CTNNA2: variants seen among roughly 807,000 people sequenced by gnomAD.
CTNNA2 encodes catenin alpha-2.
CTNNA2 carries 42 observed loss-of-function variants against 101.0 expected under a neutral mutation model. That is an observed-to-expected ratio of 0.42 (90% CI 0.32 to 0.54). CTNNA2 has a LOEUF of 0.54. CTNNA2 is among the 20% of genes least tolerant of loss of function. CTNNA2 has a pLI of 0.14. For missense variants in CTNNA2, 871 were observed against 1,223.1 expected (o/e 0.71, Z 4.29); for synonymous variants, 450 against 456.4 (o/e 0.99, Z 0.18).
At chr2:79,427,023 T>C (rs958329256) in intron 4 of CTNNA2, among the ~76,000 whole-genome samples, 1 of 152,108 alleles carries the variant, frequency 6.6e-6, no homozygotes, top group Non-Finnish European at 1.5e-5. Flanking sequence ...GTGATGTTTA[T>C]TTTGCAAACC....
intron 8 of CTNNA2, among the ~76,000 whole-genome samples, chr2:80,403,304 A>G (rs1678736653): frequency 6.6e-6 from 1 of 152,150 alleles, no homozygotes; most frequent in African/African-American, 2.4e-5. Flanking sequence ...CTGTAGGAGA[A>G]AGTTCCCCCG....
At chr2:80,540,637 T>G (rs746837117) in intron 9 of CTNNA2, among the ~76,000 whole-genome samples, 3 of 151,882 alleles carry the variant, frequency 2.0e-5, no homozygotes, top group Non-Finnish European at 2.9e-5. Context: ...CTACTGTGTA[T>G]AGTTATCTTG....
At chr2:80,565,976 C>A (rs1264076821) in intron 12 of CTNNA2, among the ~76,000 whole-genome samples, 1 of 152,006 alleles carries the variant, frequency 6.6e-6, no homozygotes, top group Non-Finnish European at 1.5e-5. Context: ...TTCCTGGAAC[C>A]AATAAATATG....
intron 9 of CTNNA2, among the ~76,000 whole-genome samples, chr2:80,443,102 G>A (rs890074302): frequency 1.3e-5 from 2 of 152,252 alleles, no homozygotes; most frequent in African/African-American, 2.4e-5. Context: ...CTGAATAAAG[G>A]CAGCCTTCCT....
At chr2:80,392,323 C>T (rs1204562963) in intron 7 of CTNNA2, among the ~76,000 whole-genome samples, 1 of 152,116 alleles carries the variant, frequency 6.6e-6, no homozygotes, top group African/African-American at 2.4e-5. Context: ...TAGCGTTTGA[C>T]TAAAATTTAG....
intron 1 of CTNNA2, among the ~76,000 whole-genome samples, chr2:79,543,810 C>G (rs558774857): frequency 6.6e-6 from 1 of 152,098 alleles, no homozygotes; most frequent in African/African-American, 2.4e-5. Context: ...TCATTAACAC[C>G]AATTTGAAAA....
At chr2:80,394,547 C>T (rs1053673198) in intron 8 of CTNNA2, among the ~76,000 whole-genome samples, 1 of 152,174 alleles carries the variant, frequency 6.6e-6, no homozygotes, top group Non-Finnish European at 1.5e-5. Flanking sequence ...ATGGCCAGGT[C>T]TCTATCTCTT....
chr2:79,605,498 T>C (rs1456779748), intron 1 of CTNNA2, among the ~76,000 whole-genome samples: 1 of 150,860 alleles, frequency 6.6e-6, no homozygotes, highest in African/African-American at 2.4e-5. Context: ...GAATATATTA[T>C]AATCTTATAG....
At chr2:80,322,538 G>C (rs1407208778) in intron 7 of CTNNA2, among the ~76,000 whole-genome samples, 1 of 151,736 alleles carries the variant, frequency 6.6e-6, no homozygotes, top group Non-Finnish European at 1.5e-5. Flanking sequence ...TGCAGCCCCC[G>C]GGCCCTTGCA....
chr2:79,808,333 T>G (rs184878251), intron 3 of CTNNA2, among the ~76,000 whole-genome samples: 1 of 152,246 alleles, frequency 6.6e-6, no homozygotes, highest in African/African-American at 2.4e-5. Context: ...TCAGAAAATA[T>G]GTTGGCGAGG....
intron 1 of CTNNA2, among the ~76,000 whole-genome samples, chr2:79,612,655 C>CT (rs1678357475): frequency 6.6e-6 from 1 of 152,036 alleles, no homozygotes; most frequent in African/African-American, 2.4e-5. Flanking sequence ...TTTCTAATGA[C>CT]TTAAGACTTA....
chr2:79,625,594 G>A (rs1679254038), intron 1 of CTNNA2, among the ~76,000 whole-genome samples: 1 of 152,206 alleles, frequency 6.6e-6, no homozygotes, highest in Admixed American at 6.5e-5. Flanking sequence ...AAGCCTGAAA[G>A]TCGCTGTGGT....
chr2:80,556,970 T>A (rs1693095098), intron 12 of CTNNA2, among the ~76,000 whole-genome samples: 1 of 152,182 alleles, frequency 6.6e-6, no homozygotes, highest in Non-Finnish European at 1.5e-5. Flanking sequence ...TGATGAGATG[T>A]GTTGGTAGAA....
chr2:80,046,639 C>A (rs567092259), intron 7 of CTNNA2, among the ~76,000 whole-genome samples: 9 of 152,212 alleles, frequency 5.9e-5, no homozygotes, highest in African/African-American at 2.2e-4. Flanking sequence ...CATTCAGAAC[C>A]ACTCACCTCC....
intron 2 of CTNNA2, among the ~76,000 whole-genome samples, chr2:79,245,346 A>G (rs540019854): frequency 2.0e-5 from 3 of 152,308 alleles, no homozygotes; most frequent in Admixed American, 2.0e-4. Context: ...GCTACTCAGA[A>G]GGCTGAGGCA....
chr2:80,377,923 C>A (rs1455593752), intron 7 of CTNNA2, among the ~76,000 whole-genome samples: 1 of 152,150 alleles, frequency 6.6e-6, no homozygotes, highest in Non-Finnish European at 1.5e-5. Context: ...TCTTTGACTC[C>A]CAAGTCTAAT....
chr2:80,011,629 G>C (rs1693793058), intron 7 of CTNNA2, among the ~76,000 whole-genome samples: 1 of 152,148 alleles, frequency 6.6e-6, no homozygotes. Flanking sequence ...CCTCTGTTCT[G>C]ATGTTTTGTT....
chr2:80,337,099 T>C (rs1039293032), intron 7 of CTNNA2, among the ~76,000 whole-genome samples: 2 of 152,148 alleles, frequency 1.3e-5, no homozygotes, highest in Non-Finnish European at 2.9e-5. Context: ...CTTACCCCTG[T>C]AATCCCAGCA....
intron 3 of CTNNA2, among the ~76,000 whole-genome samples, chr2:79,336,901 T>C (rs1677006891): frequency 6.6e-6 from 1 of 152,196 alleles, no homozygotes; most frequent in Non-Finnish European, 1.5e-5. Context: ...GCAGTAGTGA[T>C]ATCCATGGTG....
Sources: allele counts gnomAD v4.1 joint callset (sites outside exome capture counted in the v4.1 genomes callset), GRCh38; gene constraint gnomAD v4.1.1; transcripts MANE v1.5; gene names NCBI Gene and HGNC (gene_info 2026-07-23, HGNC 2026-07-21).